SORCS2: variants seen among roughly 807,000 people sequenced by gnomAD.
The protein encoded by SORCS2 is sortilin related VPS10 domain containing receptor 2.
SORCS2 carries 100 observed loss-of-function variants against 141.6 expected under a neutral mutation model. The ratio of observed to expected loss-of-function variants is 0.71; its 90% confidence interval spans 0.60 to 0.83. SORCS2 has a LOEUF of 0.83. Among genes scored for constraint, SORCS2 ranks in the 40% least tolerant of loss-of-function variants. The probability of loss-of-function intolerance (pLI) is 0.00; values close to 1 mark genes in which losing one functional copy is unlikely to be tolerated. For missense variants in SORCS2, 1,646 were observed against 1,560.2 expected (o/e 1.05, Z -0.93); for synonymous variants, 789 against 676.9 (o/e 1.17, Z -2.57).
intron 1 of SORCS2, among the ~76,000 whole-genome samples, chr4:7,332,870 C>T (rs1053422158): frequency 6.6e-6 from 1 of 152,214 alleles, no homozygotes; most frequent in East Asian, 1.9e-4. Context: ...CTGCCACCCC[C>T]AGGCTTACGT....
At chr4:7,399,890 A>G (rs1388946409) in intron 2 of SORCS2, among the ~76,000 whole-genome samples, 3 of 152,096 alleles carry the variant, frequency 2.0e-5, no homozygotes, top group Admixed American at 1.3e-4. Context: ...CTGGTACAGC[A>G]CTTCTCAGAC....
At chr4:7,445,951 A>T (rs1727965470) in intron 2 of SORCS2, among the ~76,000 whole-genome samples, 1 of 152,156 alleles carries the variant, frequency 6.6e-6, no homozygotes, top group South Asian at 2.1e-4. Flanking sequence ...ACACCTGCAC[A>T]GTTCCTCAGG....
At chr4:7,524,460 C>G (rs4234824) in intron 2 of SORCS2, among the ~76,000 whole-genome samples, 69,501 of 151,918 alleles carry the variant, frequency 0.46, 17,541 homozygotes, top group East Asian at 0.78. Context: ...AACCCATCAC[C>G]TCAACTCACG....
intron 20 of SORCS2, among the ~76,000 whole-genome samples, chr4:7,725,992 A>T (rs1224700157): frequency 6.6e-6 from 1 of 152,226 alleles, no homozygotes; most frequent in South Asian, 2.1e-4. Flanking sequence ...CTTCCAGCTG[A>T]ATGCTCCACA....
chr4:7,688,294 A>G (rs1284881546), intron 10 of SORCS2, among the ~76,000 whole-genome samples: 1 of 152,224 alleles, frequency 6.6e-6, no homozygotes, highest in African/African-American at 2.4e-5. Context: ...TTCATTTTGC[A>G]GATGAGGAAA....
intron 2 of SORCS2, among the ~76,000 whole-genome samples, chr4:7,491,161 C>T (rs1731294875): frequency 6.6e-6 from 1 of 152,216 alleles, no homozygotes; most frequent in South Asian, 2.1e-4. Context: ...CCTGAGCCTT[C>T]CTGATGTCCT....
At chr4:7,724,982 A>T (rs1422502241) in intron 19 of SORCS2, among the ~76,000 whole-genome samples, 172 bp from the exon 20 acceptor site, 2 of 91,924 alleles carry the variant, frequency 2.2e-5, no homozygotes, top group Non-Finnish European at 4.4e-5. Flanking sequence ...TGTTGGTGGG[A>T]ATGGATGGTG....
intron 1 of SORCS2, among the ~76,000 whole-genome samples, chr4:7,348,523 T>C (rs1263843882): frequency 6.6e-6 from 1 of 152,170 alleles, no homozygotes; most frequent in Non-Finnish European, 1.5e-5. Flanking sequence ...ACCATGTGGC[T>C]CATTAGGAAC....
intron 1 of SORCS2, among the ~76,000 whole-genome samples, chr4:7,337,725 C>T (rs1720076255): frequency 6.6e-6 from 1 of 152,204 alleles, no homozygotes; most frequent in African/African-American, 2.4e-5. Context: ...CAAGGAATCC[C>T]AGCCGCCCTT....
At chr4:7,500,846 T>C (rs530449861) in intron 2 of SORCS2, among the ~76,000 whole-genome samples, 1 of 152,226 alleles carries the variant, frequency 6.6e-6, no homozygotes, top group South Asian at 2.1e-4. Flanking sequence ...GCCTCTCACC[T>C]CGATGCTGGG....
chr4:7,336,346 A>G (rs56040616), intron 1 of SORCS2, among the ~76,000 whole-genome samples: 54,623 of 124,266 alleles, frequency 0.44, 11,033 homozygotes, highest in East Asian at 0.54. Flanking sequence ...GAGCTCTGAG[A>G]CTGCGACTGC....
intron 18 of SORCS2, among the ~76,000 whole-genome samples, chr4:7,720,233 C>T (rs1469021584): frequency 1.3e-5 from 2 of 152,004 alleles, no homozygotes; most frequent in African/African-American, 4.8e-5. Context: ...TGATAGAGGC[C>T]CCAGGAATAA....
intron 1 of SORCS2, among the ~76,000 whole-genome samples, chr4:7,255,423 A>G (rs1249949066): frequency 6.6e-6 from 1 of 152,080 alleles, no homozygotes; most frequent in Non-Finnish European, 1.5e-5. Context: ...AGTGAGTTGG[A>G]GCGAATTGTC....
At chr4:7,651,456 C>T (rs1005957607) in intron 4 of SORCS2, among the ~76,000 whole-genome samples, 1 of 152,208 alleles carries the variant, frequency 6.6e-6, no homozygotes, top group Admixed American at 6.5e-5. Flanking sequence ...GACAGACTGC[C>T]TCCACAAGGC....
intron 11 of SORCS2, among the ~76,000 whole-genome samples, chr4:7,692,503 G>C (rs1440733109): frequency 6.6e-6 from 1 of 152,228 alleles, no homozygotes; most frequent in African/African-American, 2.4e-5. Flanking sequence ...CTTCAAGGCA[G>C]GTGTGGTCTG....
At chr4:7,536,102 T>C (rs1028550345) in intron 3 of SORCS2, among the ~76,000 whole-genome samples, 6 of 152,080 alleles carry the variant, frequency 3.9e-5, no homozygotes, top group Non-Finnish European at 8.8e-5. Context: ...GGGACGCAGG[T>C]CAGGGAGGGC....
chr4:7,371,454 G>A (rs562412301), intron 1 of SORCS2, among the ~76,000 whole-genome samples: 6 of 152,260 alleles, frequency 3.9e-5, no homozygotes, highest in South Asian at 4.1e-4. Context: ...TAGGCCTCAC[G>A]CTCCGCCTTG....
intron 1 of SORCS2, among the ~76,000 whole-genome samples, chr4:7,322,532 G>C (rs999067103): frequency 5.9e-5 from 9 of 152,306 alleles, no homozygotes; most frequent in Admixed American, 5.2e-4. Context: ...AAAGTAGATG[G>C]TGCCCAGGGG....
chr4:7,488,106 A>G (rs1013052233), intron 2 of SORCS2, among the ~76,000 whole-genome samples: 2 of 152,200 alleles, frequency 1.3e-5, no homozygotes, highest in Non-Finnish European at 2.9e-5. Context: ...AGGTTCGGAA[A>G]TTAAGGCAAT....
Sources: allele counts gnomAD v4.1 joint callset (sites outside exome capture counted in the v4.1 genomes callset), GRCh38; gene constraint gnomAD v4.1.1; transcripts MANE v1.5; gene names NCBI Gene and HGNC (gene_info 2026-07-23, HGNC 2026-07-21).